PARD6B: variants seen among roughly 807,000 people sequenced by gnomAD.
PARD6B encodes par-6 family cell polarity regulator beta.
Under a neutral mutation model 10.5 loss-of-function variants are expected in PARD6B, and 4 were observed. That is an observed-to-expected ratio of 0.38 (90% CI 0.19 to 0.87). The LOEUF (loss-of-function observed/expected upper bound fraction) is 0.87. PARD6B is among the 40% of genes least tolerant of loss of function. PARD6B has a pLI of 0.41. For missense variants in PARD6B, 396 were observed against 470.6 expected, an observed-to-expected ratio of 0.84 and a Z score of 1.47; for synonymous variants, 169 against 170.4, an observed-to-expected ratio of 0.99 and a Z score of 0.07.
intron 1 of PARD6B, 26 bp from the exon 2 acceptor site, chr20:50,737,831 A>G: frequency 1.6e-6 from 2 of 1,253,444 alleles, no homozygotes; most frequent in Non-Finnish European, 2.1e-6. Flanking sequence ...TTTTTTTTTT[A>G]AGTAATATGT....
Position 50,740,268 on chromosome 20 carries a change from A to G in PARD6B, c.289+2189A>G, listed in dbSNP as rs2087524107. ...ATATATAGAGTGCTGGAAAAGGAGGAAGAATTTAAATAATTATGGTTGAAT... is the reference window on the plus strand; with the variant it reads ...ATATATAGAGTGCTGGAAAAGGAGGGAGAATTTAAATAATTATGGTTGAAT... On this transcript the variant is annotated intron_variant, in intron 2 of 2. Transcript: ENST00000371610. Among the ~76,000 whole-genome samples, 3 of 152,210 alleles carry G rather than the reference A, an allele frequency of 2.0e-5. No individual in the cohort carries two copies. The South Asian group carries it at 6.2e-4, about 32-fold the overall frequency.
intron 2 of PARD6B, among the ~76,000 whole-genome samples, chr20:50,741,681 A>G (rs2087531392): frequency 6.6e-6 from 1 of 151,444 alleles, no homozygotes; most frequent in Non-Finnish European, 1.5e-5. Flanking sequence ...AGCTGGGACT[A>G]CAGGAGCCCG....
intron 2 of PARD6B, among the ~76,000 whole-genome samples, chr20:50,746,486 T>A (rs1276943213): frequency 1.3e-5 from 2 of 152,264 alleles, no homozygotes; most frequent in East Asian, 3.8e-4. Flanking sequence ...GTTTTCAAAC[T>A]TTCCATCTCA....
intron 2 of PARD6B, among the ~76,000 whole-genome samples, chr20:50,748,369 GA>G (rs1307088762): frequency 6.6e-6 from 1 of 152,174 alleles, no homozygotes; most frequent in Admixed American, 6.5e-5. Flanking sequence ...AAAACTGAGG[GA>G]GAGTGTTTAT....
At chr20:50,749,278 G>T (rs912645730) in intron 2 of PARD6B, among the ~76,000 whole-genome samples, 2 of 151,806 alleles carry the variant, frequency 1.3e-5, no homozygotes, top group African/African-American at 4.8e-5. Context: ...GGGAGGCGGA[G>T]GTTGCAGTGA....
chr20:50,744,224 C>T (rs969430858), intron 2 of PARD6B, among the ~76,000 whole-genome samples: 4 of 150,120 alleles, frequency 2.7e-5, no homozygotes, highest in African/African-American at 9.8e-5. Flanking sequence ...AAGTGAGTCT[C>T]CTGCCTCATC....
chr20:50,739,661 A>G (rs1013159734), intron 2 of PARD6B, among the ~76,000 whole-genome samples: 4 of 152,112 alleles, frequency 2.6e-5, no homozygotes, highest in African/African-American at 7.2e-5. Context: ...CTATTTTACA[A>G]AATACTTTCA....
In PARD6B at chr20:50,750,453, C is replaced by G. The variant is rs1180991414; in HGVS notation, c.1084C>G (p.Leu362Val). 2.5e-6 allele frequency: 4 copies of G among 1,613,730 alleles called. No individual in the cohort carries two copies. In the African/African-American group the frequency reaches 5.3e-5, roughly 22 times the overall value. The change falls in exon 3 of 3, where the codon CTC becomes GTC. Residue 362 changes from leucine to valine, a missense_variant. Transcript: ENST00000371610. ...EFETHAPDQK[L>V]LEEDGTIITL Reference sequence around the variant, plus strand: ...TGAAACACATGCTCCAGATCAAAAACTCTTAGAAGAAGATGGAACAATCAT... The same window carrying G: ...TGAAACACATGCTCCAGATCAAAAAGTCTTAGAAGAAGATGGAACAATCAT...
chr20:50,746,205 T>G (rs976973662), intron 2 of PARD6B, among the ~76,000 whole-genome samples: 3 of 152,202 alleles, frequency 2.0e-5, no homozygotes, highest in Non-Finnish European at 4.4e-5. Context: ...GGAATGAGAT[T>G]ACTAGGCTTT....
intron 2 of PARD6B, among the ~76,000 whole-genome samples, chr20:50,739,893 T>C (rs1221046209): frequency 6.8e-6 from 1 of 147,268 alleles, no homozygotes; most frequent in East Asian, 2.0e-4. Flanking sequence ...GAGAAGGCAG[T>C]GGCGGGAAGG....
At chr20:50,742,245 T>A (rs2087534845) in intron 2 of PARD6B, among the ~76,000 whole-genome samples, 1 of 152,096 alleles carries the variant, frequency 6.6e-6, no homozygotes, top group South Asian at 2.1e-4. Flanking sequence ...GGTTTTGCCA[T>A]GTTGGCCAGA....
intron 1 of PARD6B, among the ~76,000 whole-genome samples, chr20:50,735,667 G>T (rs1212980129): frequency 6.6e-6 from 1 of 151,196 alleles, no homozygotes; most frequent in Non-Finnish European, 1.5e-5. Context: ...TTTCTCTTGG[G>T]TTTTTTTTTC....
intron 2 of PARD6B, among the ~76,000 whole-genome samples, chr20:50,747,489 CT>C (rs58629233): frequency 0.13 from 4,347 of 33,298 alleles, 33 homozygotes; most frequent in Middle Eastern, 0.18. Context: ...TTCTTTCTTT[CT>C]TTTTTTTTTT....
intron 1 of PARD6B, among the ~76,000 whole-genome samples, chr20:50,734,127 G>T (rs1254231281): frequency 6.6e-6 from 1 of 152,146 alleles, no homozygotes; most frequent in Non-Finnish European, 1.5e-5. Flanking sequence ...GCAAGATATA[G>T]GTAGTGAGTG....
chr20:50,751,841 A>T lies in PARD6B; in HGVS notation c.*1353A>T, dbSNP rs984898070. 1 of 884,706 alleles carries T rather than the reference A, an allele frequency of 1.1e-6. No homozygotes were observed. The highest frequency in any genetic ancestry group is 1.8e-5 in the African/African-American group (1 of 54,488). 54.8% of individuals were successfully genotyped at this position (884,706 alleles called of 1,614,324 possible). A position where few individuals can be genotyped will look rare whatever the true frequency, so the allele number is the denominator to read the frequency against. On this transcript the variant is annotated 3_prime_UTR_variant, in exon 3 of 3. Transcript: ENST00000371610. Reference sequence around the variant, plus strand: ...CTCAGCCTTCTGAGTAGCTAAGATTACAGGTGTGCGCCAACACGTCTGGCT... The same window carrying T: ...CTCAGCCTTCTGAGTAGCTAAGATTTCAGGTGTGCGCCAACACGTCTGGCT...
At chr20:50,741,700 C>T (rs568981823) in intron 2 of PARD6B, among the ~76,000 whole-genome samples, 3 of 152,124 alleles carry the variant, frequency 2.0e-5, no homozygotes, top group African/African-American at 7.2e-5. Context: ...CGCCAACACA[C>T]CCGGCTAATT....
chr20:50,752,185 T>G lies in PARD6B; in HGVS notation c.*1697T>G. ...CCTATTCTTGTTCCCATTCCCAGTC[T>G]CATTTGAAATCATTCCTTTTATTGT... On this transcript the variant is annotated 3_prime_UTR_variant, in exon 3 of 3. Transcript: ENST00000371610. 1.0e-6 allele frequency: 1 copy of G among 985,724 alleles called. No individual in the cohort carries two copies. The highest frequency in any genetic ancestry group is 1.2e-6 in the Non-Finnish European group (1 of 829,776). 61.1% of individuals were successfully genotyped at this position (985,724 alleles called of 1,614,324 possible).
At chr20:50,739,691 A>G (rs186458225) in intron 2 of PARD6B, among the ~76,000 whole-genome samples, 13 of 152,246 alleles carry the variant, frequency 8.5e-5, no homozygotes, top group Admixed American at 8.5e-4. Context: ...TAATGTTCCC[A>G]AAGTTTCCTG....
At position 50,750,107 on chromosome 20, in the gene PARD6B, G is replaced by T; in HGVS notation, c.738G>T (p.Val246=). 1 of 1,614,224 alleles carries T rather than the reference G, an allele frequency of 6.2e-7. No homozygotes were observed. The highest frequency in any genetic ancestry group is 8.5e-7 in the Non-Finnish European group (1 of 1,180,048). Residue 246 remains valine, a synonymous_variant, in exon 3 of 3, where the codon GTG becomes GTT. Coordinates refer to ENST00000371610, the MANE Select transcript of PARD6B (RefSeq NM_032521.3). ...ATAGCCGTAACCTCATCATAACAGT[G>T]AGACCGGCAAACCAGAGGAATAATG... is the stretch of plus-strand genomic sequence containing the variant. ...IANSRNLIIT[V]RPANQRNNVV...
Sources: allele counts gnomAD v4.1 joint callset (sites outside exome capture counted in the v4.1 genomes callset), GRCh38; gene constraint gnomAD v4.1.1; transcripts MANE v1.5; gene names NCBI Gene and HGNC (gene_info 2026-07-23, HGNC 2026-07-21).